MET: variants seen among roughly 807,000 people sequenced by gnomAD.
MET encodes MET proto-oncogene, receptor tyrosine kinase.
In MET, 48 loss-of-function variants were observed where a neutral mutation model predicts 133.1. The observed-to-expected ratio is 0.36, with a 90% CI of 0.29 to 0.46. The LOEUF is 0.46. Among genes scored for constraint, MET ranks in the 20% least tolerant of loss-of-function variants. The pLI, the probability that MET is intolerant of heterozygous loss-of-function variation, is 1.00. For synonymous variants in MET, 628 were observed against 616.5 expected (o/e 1.02, Z -0.28); for missense variants, 1,442 against 1,695.9 (o/e 0.85, Z 2.63).
chr7:116,739,891 C>T (rs1793375404), intron 3 of MET, 59 bp from the exon 4 acceptor site: 2 of 1,611,614 alleles, frequency 1.2e-6, no homozygotes, highest in Non-Finnish European at 1.7e-6. Context: ...CTACATTTTC[C>T]ACTTATATTT....
At chr7:116,705,973 C>G (rs1791774669) in intron 2 of MET, among the ~76,000 whole-genome samples, 1 of 152,086 alleles carries the variant, frequency 6.6e-6, no homozygotes, top group South Asian at 2.1e-4. Context: ...CCTTTAATTC[C>G]TTTTGCTTTT....
At chr7:116,724,445 G>T (rs1196165469) in intron 2 of MET, among the ~76,000 whole-genome samples, 1 of 152,234 alleles carries the variant, frequency 6.6e-6, no homozygotes, top group Non-Finnish European at 1.5e-5. Flanking sequence ...CGCTCACGCT[G>T]GGAGCTGTAG....
intron 2 of MET, among the ~76,000 whole-genome samples, chr7:116,718,155 G>A (rs754762636): frequency 4.6e-5 from 7 of 152,126 alleles, no homozygotes; most frequent in African/African-American, 1.2e-4. Context: ...TTGGGAAGCC[G>A]AGACAGGTGG....
intron 2 of MET, among the ~76,000 whole-genome samples, chr7:116,708,104 T>C (rs1791866602): frequency 6.6e-6 from 1 of 152,120 alleles, no homozygotes; most frequent in Non-Finnish European, 1.5e-5. Flanking sequence ...AACAAGCAGA[T>C]AGACTAGTGA....
chr7:116,693,820 GC>G (rs1796862042), intron 1 of MET, among the ~76,000 whole-genome samples: 1 of 152,180 alleles, frequency 6.6e-6, no homozygotes, highest in Non-Finnish European at 1.5e-5. Context: ...TTTGTTGGGG[GC>G]CATGTACGAA....
At chr7:116,691,588 G>T (rs1796780034) in intron 1 of MET, among the ~76,000 whole-genome samples, 1 of 152,176 alleles carries the variant, frequency 6.6e-6, no homozygotes, top group Non-Finnish European at 1.5e-5. Context: ...GACATGGCTG[G>T]ATACAGATGC....
chr7:116,742,547 G>T (rs1400940130), intron 5 of MET, among the ~76,000 whole-genome samples: 1 of 152,094 alleles, frequency 6.6e-6, no homozygotes, highest in Non-Finnish European at 1.5e-5. Flanking sequence ...AACCAAGCTG[G>T]TATTTTAAGT....
At chr7:116,698,775 T>A (rs1797054602) in intron 1 of MET, among the ~76,000 whole-genome samples, 1 of 152,218 alleles carries the variant, frequency 6.6e-6, no homozygotes, top group African/African-American at 2.4e-5. Context: ...TTTTCTTTCA[T>A]TGCTGAATGA....
chr7:116,781,531 A>G (rs890656470), intron 17 of MET, among the ~76,000 whole-genome samples: 6 of 152,116 alleles, frequency 3.9e-5, no homozygotes, highest in African/African-American at 1.4e-4. Flanking sequence ...TACTTAACAA[A>G]TGGTTGATCT....
At position 116,700,112 on chromosome 7, in the gene MET, T is replaced by A. The variant is rs2116603661; in HGVS notation, c.1028T>A (p.Phe343Tyr). The A allele has an allele frequency of 6.2e-7, 1 of 1,608,912 alleles. No homozygotes were observed. Among genetic ancestry groups the A allele is most frequent in the Non-Finnish European group, 8.5e-7 (1 of 1,177,850 alleles). Residue 343 changes from phenylalanine (F) to tyrosine (Y), a missense_variant, in exon 2 of 21, where the codon TTC becomes TAC. Physicochemically the swap from Phe to Tyr is conservative, Grantham distance 22. Coordinates refer to ENST00000397752, the MANE Select transcript of MET (RefSeq NM_000245.4). ...IGASLNDDIL[F>Y]GVFAQSKPDS... ...GCCAGCCTGAATGATGACATTCTTT[T>A]CGGGGTGTTCGCACAAAGCAAGCCA...
At chr7:116,760,344 T>C (rs536333714) in intron 10 of MET, among the ~76,000 whole-genome samples, 18 of 152,330 alleles carry the variant, frequency 1.2e-4, no homozygotes, top group African/African-American at 4.3e-4. Context: ...ATTTATGTTA[T>C]GTCCTAAAGT....
intron 11 of MET, among the ~76,000 whole-genome samples, chr7:116,764,985 G>A (rs755506358): frequency 6.6e-6 from 1 of 152,006 alleles, no homozygotes; most frequent in Non-Finnish European, 1.5e-5. Context: ...TTATCAATAC[G>A]TTAAGTTGAT....
intron 19 of MET, among the ~76,000 whole-genome samples, chr7:116,792,559 C>T (rs990189238): frequency 7.3e-5 from 11 of 150,684 alleles, no homozygotes; most frequent in Non-Finnish European, 1.3e-4. Flanking sequence ...TTTCACTGTC[C>T]CTCCCCTCAC....
chr7:116,750,329 G>A (rs1282447446), intron 5 of MET, among the ~76,000 whole-genome samples: 1 of 152,222 alleles, frequency 6.6e-6, no homozygotes, highest in Non-Finnish European at 1.5e-5. Context: ...CAAGCAATGG[G>A]GAAAGGATTC....
At chr7:116,715,874 G>T (rs1309145893) in intron 2 of MET, among the ~76,000 whole-genome samples, 1 of 152,122 alleles carries the variant, frequency 6.6e-6, no homozygotes, top group African/African-American at 2.4e-5. Context: ...TGTAGAAGTC[G>T]GCTTAAGGAA....
chr7:116,759,415 T>TG lies in MET; in HGVS notation c.2292dup (p.Lys765GlufsTer7). ...GTGGTGGGAGCACAATAACAGGTGTTGGGAAAAACCTGAATTCAGTTAGTG... is the reference window on the plus strand; with the variant it reads ...GTGGTGGGAGCACAATAACAGGTGTTGGGGAAAAACCTGAATTCAGTTAGTG... On this transcript the variant is annotated frameshift_variant, in exon 10 of 21. Transcript: ENST00000397752. LOFTEE classifies it high-confidence loss of function. 6.2e-7 allele frequency: 1 copy of TG among 1,613,796 alleles called. No homozygotes were observed.
intron 2 of MET, among the ~76,000 whole-genome samples, chr7:116,707,281 T>C (rs1791834215): frequency 6.6e-6 from 1 of 152,026 alleles, no homozygotes; most frequent in Admixed American, 6.6e-5. Flanking sequence ...AGTATAACTA[T>C]AAAACAAACA....
At chr7:116,713,361 C>G (rs893025943) in intron 2 of MET, among the ~76,000 whole-genome samples, 3 of 150,618 alleles carry the variant, frequency 2.0e-5, no homozygotes, top group Non-Finnish European at 4.4e-5. Flanking sequence ...CGCCACTGCA[C>G]TCCAGCCTGG....
intron 2 of MET, among the ~76,000 whole-genome samples, chr7:116,705,958 A>C (rs1791773813): frequency 6.6e-6 from 1 of 152,106 alleles, no homozygotes; most frequent in African/African-American, 2.4e-5. Context: ...ATGTTACAAA[A>C]TGAACCTTTA....
Sources: allele counts gnomAD v4.1 joint callset (sites outside exome capture counted in the v4.1 genomes callset), GRCh38; gene constraint gnomAD v4.1.1; transcripts MANE v1.5; gene names NCBI Gene and HGNC (gene_info 2026-07-23, HGNC 2026-07-21).